Variants in HDHD2 observed in about 807,000 individuals in gnomAD.
The protein encoded by HDHD2 is haloacid dehalogenase like hydrolase domain containing 2.
In HDHD2, 26 loss-of-function variants were observed where a neutral mutation model predicts 24.8. The ratio of observed to expected loss-of-function variants is 1.05; its 90% CI spans 0.77 to 1.45. The LOEUF (loss-of-function observed/expected upper bound fraction) is 1.45, where lower values mean the gene tolerates loss of function less well. HDHD2 is among the 40% of genes most tolerant of loss of function. The pLI is 0.00. For synonymous variants in HDHD2, 128 were observed against 114.9 expected (o/e 1.11, Z -0.73); for missense variants, 299 against 313.4 (o/e 0.95, Z 0.35).
chr18:47,136,337 G>C lies in HDHD2; in HGVS notation c.101+2C>G. On this transcript the variant is annotated splice_donor_variant, in intron 2 of 6. Transcript: ENST00000300605. LOFTEE classifies it high-confidence loss of function. ...GTCAGCTGAACCTGGAGGATAGCTT[G>C]CCTTTTAAGAGCTTCCTGTGCGCCT... The C allele has an allele frequency of 6.2e-7, 1 of 1,613,654 alleles. No homozygotes were observed. The highest frequency in any genetic ancestry group is 8.5e-7 in the Non-Finnish European group (1 of 1,179,944).
At chr18:47,149,538 T>C (rs1223609975) in intron 1 of HDHD2, among the ~76,000 whole-genome samples, 1 of 152,088 alleles carries the variant, frequency 6.6e-6, no homozygotes, top group African/African-American at 2.4e-5. Context: ...CTCCAACACA[T>C]TTGTCTCTAC....
intron 2 of HDHD2, among the ~76,000 whole-genome samples, chr18:47,135,386 C>T (rs1568057265): frequency 1.3e-5 from 2 of 151,882 alleles, no homozygotes; most frequent in Admixed American, 1.3e-4. Flanking sequence ...CTCAGCCTCC[C>T]TAGTAGCTGG....
Position 47,150,496 on chromosome 18 carries a change from A to G in HDHD2, c.-129T>C, listed in dbSNP as rs1423807928. On this transcript the variant is annotated 5_prime_UTR_variant, in exon 1 of 7. Transcript: ENST00000300605. Reference sequence around the variant, plus strand: ...CCCGCTGCTGCCCGACGGACGCCGGAAGTTGGGCCCTGGCCGCGCCGGAAG... The same window carrying G: ...CCCGCTGCTGCCCGACGGACGCCGGGAGTTGGGCCCTGGCCGCGCCGGAAG... The G allele has an allele frequency of 6.6e-6, 1 of 152,196 alleles. No individual in the cohort carries two copies. The highest frequency in any genetic ancestry group is 1.5e-5 in the Non-Finnish European group (1 of 68,052). The allele number at this position is 152,196 out of a possible 1,614,324, so 9.4% of individuals were successfully genotyped here. A position where few individuals can be genotyped will look rare whatever the true frequency, so the allele number is the denominator to read the frequency against.
At chr18:47,149,615 A>G (rs2063909580) in intron 1 of HDHD2, among the ~76,000 whole-genome samples, 1 of 151,958 alleles carries the variant, frequency 6.6e-6, no homozygotes, top group Non-Finnish European at 1.5e-5. Flanking sequence ...TCGTTGCGGG[A>G]CTTTTGTCTG....
intron 4 of HDHD2, among the ~76,000 whole-genome samples, chr18:47,119,352 C>T (rs1420822278): frequency 6.6e-6 from 1 of 152,224 alleles, no homozygotes; most frequent in Non-Finnish European, 1.5e-5. Flanking sequence ...CCTTCTGCTG[C>T]TTTATCAGTT....
At position 47,130,288 on chromosome 18, in the gene HDHD2, C is replaced by T. The variant is rs764655867; in HGVS notation, c.351G>A (p.Leu117=). The change falls in exon 4 of 7, where the codon TTG becomes TTA. Residue 117 remains leucine (L), a synonymous_variant. Coordinates refer to ENST00000300605, the MANE Select transcript of HDHD2 (RefSeq NM_032124.5). ...TTTGATAATGAAAATGTTCTGGTGC[C>T]AATCCCATGACCACAGCATTAGGAT... The part of the protein sequence containing the change: ...TSDPNAVVMG[L]APEHFHYQIL... The T allele has an allele frequency of 6.2e-6, 10 of 1,608,228 alleles. No homozygotes were observed. The highest frequency in any genetic ancestry group is 7.6e-6 in the Non-Finnish European group (9 of 1,176,484).
chr18:47,149,464 C>T (rs1366481521), intron 1 of HDHD2, among the ~76,000 whole-genome samples: 3 of 152,142 alleles, frequency 2.0e-5, no homozygotes, highest in African/African-American at 7.2e-5. Flanking sequence ...TCCAGTGACT[C>T]CCCGCTGACC....
intron 4 of HDHD2, among the ~76,000 whole-genome samples, chr18:47,129,225 G>C (rs1019245198): frequency 6.6e-6 from 1 of 152,158 alleles, no homozygotes; most frequent in East Asian, 1.9e-4. Flanking sequence ...CAGATCTGCA[G>C]GTAAATTCTG....
rs912354090 is a variant in HDHD2 at position 47,116,244 on chromosome 18, T to G, written c.396-896A>C. Among the ~76,000 whole-genome samples, 3 of 152,204 alleles carry G rather than the reference T, an allele frequency of 2.0e-5. No individual in the cohort carries two copies. The East Asian group carries it at 5.8e-4, about 29-fold the overall frequency. ...ACGCACATATTATCATCTAATAGCA[T>G]GCGGGACATGATATATTTCTTAAAC... On this transcript the variant is annotated intron_variant, in intron 4 of 6. Coordinates refer to ENST00000300605, the MANE Select transcript of HDHD2 (RefSeq NM_032124.5).
intron 4 of HDHD2, among the ~76,000 whole-genome samples, chr18:47,119,921 C>T (rs1037610543): frequency 3.3e-5 from 5 of 152,188 alleles, no homozygotes; most frequent in African/African-American, 4.8e-5. Context: ...ACATCTCCAG[C>T]GGAGCTCTTG....
At chr18:47,143,392 C>T (rs569787555) in intron 1 of HDHD2, among the ~76,000 whole-genome samples, 2 of 152,236 alleles carry the variant, frequency 1.3e-5, no homozygotes, top group South Asian at 4.1e-4. Flanking sequence ...TGGGCTATGA[C>T]CATGCAGTCA....
At chr18:47,112,406 C>T (rs1246103338) in intron 6 of HDHD2, among the ~76,000 whole-genome samples, 2 of 152,140 alleles carry the variant, frequency 1.3e-5, no homozygotes, top group Non-Finnish European at 2.9e-5. Context: ...ATTAGTGAAT[C>T]CTCCCCACTA....
intron 1 of HDHD2, among the ~76,000 whole-genome samples, 193 bp from the exon 2 acceptor site, chr18:47,136,642 GTTTT>G (rs144963110): frequency 7.0e-6 from 1 of 142,980 alleles, no homozygotes; most frequent in African/African-American, 2.6e-5. Flanking sequence ...CAATACTTAG[GTTTT>G]TTTTTAAAAA....
chr18:47,134,565 T>G lies in HDHD2; in HGVS notation c.241A>C (p.Ser81Arg), dbSNP rs544578655. 8.7e-6 allele frequency: 14 copies of G among 1,614,164 alleles called. No homozygotes were observed. In the South Asian group the frequency reaches 1.3e-4, roughly 15 times the overall value. The change falls in exon 3 of 7, where the codon AGT (serine) becomes CGT (arginine). Residue 81 changes from serine to arginine, a missense_variant. Ser to Arg is a moderately radical substitution (Grantham distance 110). Coordinates refer to ENST00000300605, the MANE Select transcript of HDHD2 (RefSeq NM_032124.5). The part of the protein sequence containing the change: ...EIFTSLTAAR[S>R]LLERKQVRPM... Reference sequence around the variant, plus strand: ...CTGACTTGTTTCCGCTCTAGTAAACTTCTGGCTGCAGTCAGAGATGTGAAT... The same window carrying G: ...CTGACTTGTTTCCGCTCTAGTAAACGTCTGGCTGCAGTCAGAGATGTGAAT...
intron 4 of HDHD2, among the ~76,000 whole-genome samples, chr18:47,119,280 ATGT>A (rs1485989287): frequency 6.6e-6 from 1 of 152,200 alleles, no homozygotes; most frequent in Non-Finnish European, 1.5e-5. Flanking sequence ...GTAGTATGTG[ATGT>A]TGTTTCACAG....
chr18:47,123,938 T>C (rs1490396491), intron 4 of HDHD2, among the ~76,000 whole-genome samples: 1 of 152,172 alleles, frequency 6.6e-6, no homozygotes, highest in Non-Finnish European at 1.5e-5. Flanking sequence ...AGTTGGAGGA[T>C]GTACACTACC....
At chr18:47,142,340 T>G (rs2063827431) in intron 1 of HDHD2, among the ~76,000 whole-genome samples, 1 of 152,148 alleles carries the variant, frequency 6.6e-6, no homozygotes, top group Non-Finnish European at 1.5e-5. Flanking sequence ...CTACCTAATA[T>G]TCTCAATTTT....
intron 1 of HDHD2, among the ~76,000 whole-genome samples, chr18:47,142,667 A>T (rs893587761): frequency 1.3e-5 from 2 of 152,224 alleles, no homozygotes; most frequent in Non-Finnish European, 2.9e-5. Context: ...ATTATATAAG[A>T]ATAAGAGAAC....
intron 6 of HDHD2, chr18:47,110,882 T>C (rs2063510331): frequency 1.0e-6 from 1 of 984,946 alleles, no homozygotes; most frequent in Non-Finnish European, 1.2e-6. Flanking sequence ...AACAAATAAT[T>C]GATCAAATTA....
Sources: allele counts gnomAD v4.1 joint callset (sites outside exome capture counted in the v4.1 genomes callset), GRCh38; gene constraint gnomAD v4.1.1; transcripts MANE v1.5; gene names NCBI Gene and HGNC (gene_info 2026-07-23, HGNC 2026-07-21).